KIF20B: variants seen among roughly 807,000 people sequenced by gnomAD.
KIF20B encodes the protein kinesin-like protein KIF20B.
Under a neutral mutation model 232.5 loss-of-function variants are expected in KIF20B, and 188 were observed. That is an observed-to-expected ratio of 0.81 (90% CI 0.72 to 0.91). KIF20B has a LOEUF of 0.91. Ranked by LOEUF, KIF20B falls within the 40% of genes least tolerant of loss-of-function variation. The probability of loss-of-function intolerance (pLI) is 0.00; values close to 1 mark genes in which losing one functional copy is unlikely to be tolerated. For synonymous variants in KIF20B, 712 were observed against 683.0 expected (o/e 1.04, Z -0.66); for missense variants, 2,154 against 2,055.9 (o/e 1.05, Z -0.92).
intron 32 of KIF20B, among the ~76,000 whole-genome samples, chr10:89,773,151 A>G (rs1029373463): frequency 1.3e-5 from 2 of 151,836 alleles, no homozygotes; most frequent in Admixed American, 6.6e-5. Flanking sequence ...GAGTTGTACA[A>G]ATCTGGGCCC....
rs746139748 is a variant in KIF20B at position 89,738,990 on chromosome 10, G to C, written c.3809G>C (p.Arg1270Pro). The C allele has an allele frequency of 6.2e-7, 1 of 1,613,086 alleles. No homozygotes were observed. The highest frequency in any genetic ancestry group is 2.2e-5 in the East Asian group (1 of 44,792). The change falls in exon 21 of 33, where the codon CGT becomes CCT. Residue 1270 changes from arginine (R) to proline (P), a missense_variant. Coordinates refer to ENST00000371728, the MANE Select transcript of KIF20B (RefSeq NM_001284259.2). ...LKEELSASSA[R>P]TQNLKADLQR... ...GAGGAACTCTCTGCAAGCTCTGCTCGTACCCAGAATCTGAAAGCAGATCTT... is the reference window on the plus strand; with the variant it reads ...GAGGAACTCTCTGCAAGCTCTGCTCCTACCCAGAATCTGAAAGCAGATCTT...
chr10:89,761,915 G>T (rs1842249709), intron 28 of KIF20B, among the ~76,000 whole-genome samples: 1 of 152,124 alleles, frequency 6.6e-6, no homozygotes, highest in South Asian at 2.1e-4. Flanking sequence ...GAATCATATT[G>T]TTAGGCTATT....
intron 23 of KIF20B, among the ~76,000 whole-genome samples, chr10:89,748,975 CTTCTT>C (rs1841973794): frequency 6.6e-6 from 1 of 152,184 alleles, no homozygotes; most frequent in Non-Finnish European, 1.5e-5. Flanking sequence ...ATTGTACACT[CTTCTT>C]TTCCTCAGTT....
At chr10:89,735,817 C>A (rs546429448) in intron 19 of KIF20B, among the ~76,000 whole-genome samples, 2 of 152,234 alleles carry the variant, frequency 1.3e-5, no homozygotes, top group East Asian at 3.9e-4. Flanking sequence ...GGATTACAGG[C>A]GTGAGCCACC....
chr10:89,761,158 C>A (rs1564674801), intron 28 of KIF20B, among the ~76,000 whole-genome samples: 1 of 151,992 alleles, frequency 6.6e-6, no homozygotes, highest in Non-Finnish European at 1.5e-5. Context: ...TTTTAAATTT[C>A]TTTTTAAAAC....
At chr10:89,752,147 T>C (rs984572260) in intron 24 of KIF20B, among the ~76,000 whole-genome samples, 1 of 152,076 alleles carries the variant, frequency 6.6e-6, no homozygotes, top group Non-Finnish European at 1.5e-5. Flanking sequence ...AAAAATGTAA[T>C]AGTACTTTGT....
chr10:89,709,053 GA>G (rs1361203360), intron 2 of KIF20B, 113 bp from the exon 3 acceptor site: 6 of 733,338 alleles, frequency 8.2e-6, no homozygotes, highest in Non-Finnish European at 1.4e-5. Flanking sequence ...TGACTGCTTA[GA>G]AATTCTTTAT....
At position 89,742,319 on chromosome 10, in the gene KIF20B, C is replaced by T. The variant is rs1841816600; in HGVS notation, c.3916-1489C>T. Among the ~76,000 whole-genome samples, 11 of 152,190 alleles carry T rather than the reference C, an allele frequency of 7.2e-5. No individual in the cohort carries two copies. In the South Asian group the frequency reaches 2.3e-3, roughly 32 times the overall value. The stretch of plus-strand genomic sequence containing the variant: ...CCACTGGGGATCTTGAAATACTATC[C>T]AATGTTTCAGGTATCCACTGGCGAT... On this transcript the variant is annotated intron_variant, in intron 21 of 32. Transcript: ENST00000371728.
At chr10:89,729,069 T>G (rs1843259386) in intron 17 of KIF20B, 59 bp from the exon 18 acceptor site, 2 of 1,245,760 alleles carry the variant, frequency 1.6e-6, no homozygotes, top group Middle Eastern at 2.8e-4. Flanking sequence ...TTAATCATAT[T>G]TGCATTCTAG....
intron 6 of KIF20B, among the ~76,000 whole-genome samples, chr10:89,713,528 A>C (rs1371723890): frequency 1.3e-5 from 2 of 152,190 alleles, no homozygotes; most frequent in African/African-American, 2.4e-5. Flanking sequence ...GAACATTAAA[A>C]TATTTTATAT....
In KIF20B at chr10:89,774,469, A is replaced by G. The variant is rs1225079417; in HGVS notation, c.*421A>G. ...TAGGATTTGGAGAATAAGTGTGTAC[A>G]GATCACAAAACATGTATATACATTA... is the stretch of plus-strand genomic sequence containing the variant. On this transcript the variant is annotated 3_prime_UTR_variant, in exon 33 of 33. Transcript: ENST00000371728. The G allele has an allele frequency of 6.6e-6, 1 of 152,330 alleles. No homozygotes were observed. 9.4% of individuals were successfully genotyped at this position (152,330 alleles called of 1,614,324 possible).
intron 2 of KIF20B, among the ~76,000 whole-genome samples, chr10:89,707,368 T>C (rs181294837): frequency 6.6e-6 from 1 of 152,280 alleles, no homozygotes; most frequent in Non-Finnish European, 1.5e-5. Context: ...GATTAGCATT[T>C]TGTTAGTATA....
chr10:89,751,575 A>T (rs772419575), intron 24 of KIF20B, 104 bp downstream of exon 24: 19 of 1,065,548 alleles, frequency 1.8e-5, no homozygotes, highest in Non-Finnish European at 2.5e-5. Context: ...TCAGTGATTG[A>T]TAATGGAAAA....
intron 19 of KIF20B, among the ~76,000 whole-genome samples, chr10:89,734,638 T>C (rs1191854587): frequency 1.3e-5 from 2 of 152,248 alleles, no homozygotes; most frequent in Non-Finnish European, 2.9e-5. Context: ...TAATGAGCTT[T>C]GTAATGATCT....
chr10:89,739,146 C>G (rs1280214127), intron 21 of KIF20B, 50 bp downstream of exon 21: 2 of 1,558,334 alleles, frequency 1.3e-6, no homozygotes, highest in Admixed American at 1.9e-5. Flanking sequence ...AGATTGTTTT[C>G]CTTATATATC....
chr10:89,722,623 C>G (rs558682423), intron 13 of KIF20B, among the ~76,000 whole-genome samples: 1 of 152,010 alleles, frequency 6.6e-6, no homozygotes, highest in South Asian at 2.1e-4. Flanking sequence ...GAGCCGAGAT[C>G]GAGCCACTGC....
chr10:89,722,742 GTTATTAT>G (rs1180489060), intron 13 of KIF20B, among the ~76,000 whole-genome samples: 1 of 140,848 alleles, frequency 7.1e-6, no homozygotes, highest in East Asian at 2.2e-4. Flanking sequence ...TCCTTCAATA[GTTATTAT>G]TTATTGTTTT....
Position 89,762,643 on chromosome 10 carries a change from A to G in KIF20B, c.4797A>G (p.Gly1599=). The stretch of plus-strand genomic sequence containing the variant: ...CCTTTTACATTCTGTTGTAGGATGG[A>G]TCTGTAGTCCTTGACTCTTGTGAAG... ...FEISRNKIED[G]SVVLDSCEVS... The change falls in exon 29 of 33, where the codon GGA becomes GGG. Residue 1599 remains glycine, a synonymous_variant. Coordinates refer to ENST00000371728, the MANE Select transcript of KIF20B (RefSeq NM_001284259.2). 6.2e-7 allele frequency: 1 copy of G among 1,611,062 alleles called. No homozygotes were observed. Among genetic ancestry groups the G allele is most frequent in the Non-Finnish European group, 8.5e-7 (1 of 1,177,498 alleles).
chr10:89,734,785 G>A (rs1260712564), intron 19 of KIF20B, among the ~76,000 whole-genome samples: 1 of 152,176 alleles, frequency 6.6e-6, no homozygotes, highest in Non-Finnish European at 1.5e-5. Flanking sequence ...ACTACAAGAG[G>A]TTTGACGTTT....
Sources: gnomAD v4.1 joint callset for allele counts (sites outside exome capture counted in the v4.1 genomes callset) on GRCh38, gnomAD v4.1.1 for gene constraint, MANE v1.5 for transcripts, NCBI Gene and HGNC (gene_info 2026-07-23, HGNC 2026-07-21) for gene names.